AP2B1: variants seen among roughly 807,000 people sequenced by gnomAD.
AP2B1 encodes AP-2 complex subunit beta.
AP2B1 carries 23 observed loss-of-function variants against 102.0 expected under a neutral mutation model. That is an observed-to-expected ratio of 0.23 (90% CI 0.16 to 0.32). AP2B1 has a LOEUF of 0.32. Ranked by LOEUF, AP2B1 falls within the 10% of genes least tolerant of loss-of-function variation. The pLI, the probability that AP2B1 is intolerant of heterozygous loss-of-function variation, is 1.00. For missense variants in AP2B1, 541 were observed against 1,157.4 expected (o/e 0.47, Z 7.73); for synonymous variants, 381 against 421.2 (o/e 0.90, Z 1.17).
chr17:35,709,117 G>A, intron 18 of AP2B1, 107 bp from the exon 19 acceptor site: 1 of 935,028 alleles, frequency 1.1e-6, no homozygotes, highest in Non-Finnish European at 1.7e-6. Context: ...TGCACTGAGA[G>A]AAAGAGGAAG....
chr17:35,601,907 A>G (rs944737760), intron 3 of AP2B1, among the ~76,000 whole-genome samples: 2 of 149,088 alleles, frequency 1.3e-5, no homozygotes, highest in Admixed American at 6.7e-5. Context: ...TCTCCCGAGT[A>G]GCTGGGATTA....
At chr17:35,646,365 G>A (rs548656708) in intron 12 of AP2B1, among the ~76,000 whole-genome samples, 2 of 148,960 alleles carry the variant, frequency 1.3e-5, no homozygotes, top group Admixed American at 6.8e-5. Flanking sequence ...GGCCTAACAG[G>A]TCATCCCTCA....
At chr17:35,649,489 C>T (rs2075031321) in intron 12 of AP2B1, among the ~76,000 whole-genome samples, 1 of 152,148 alleles carries the variant, frequency 6.6e-6, no homozygotes, top group Admixed American at 6.5e-5. Flanking sequence ...AGGATGGTCC[C>T]AATCTCCTGG....
intron 14 of AP2B1, among the ~76,000 whole-genome samples, chr17:35,670,334 G>A (rs1464174339): frequency 6.6e-6 from 1 of 152,096 alleles, no homozygotes; most frequent in African/African-American, 2.4e-5. Context: ...GCTTGAAGTT[G>A]CAGCTCAATA....
chr17:35,658,973 A>G (rs372079882), intron 14 of AP2B1, among the ~76,000 whole-genome samples: 44 of 152,230 alleles, frequency 2.9e-4, no homozygotes, highest in African/African-American at 1.1e-3. Flanking sequence ...TGTGGACTCC[A>G]GCTTATATTG....
chr17:35,622,203 G>C (rs16971227), intron 5 of AP2B1, among the ~76,000 whole-genome samples: 1 of 151,950 alleles, frequency 6.6e-6, no homozygotes, highest in East Asian at 1.9e-4. Context: ...AAGTTTTCCT[G>C]ATTTGTCTTA....
intron 5 of AP2B1, chr17:35,621,488 T>C: frequency 3.6e-6 from 1 of 279,492 alleles, no homozygotes; most frequent in Non-Finnish European, 5.4e-6. Flanking sequence ...AGTTTTGGTA[T>C]AGAGGGGTAG....
chr17:35,677,478 T>C (rs2075726515), intron 17 of AP2B1, among the ~76,000 whole-genome samples: 1 of 152,172 alleles, frequency 6.6e-6, no homozygotes. Context: ...TTTTTAAATA[T>C]GTTGTAAATT....
chr17:35,665,930 C>T (rs573146030), intron 14 of AP2B1, among the ~76,000 whole-genome samples: 52 of 152,120 alleles, frequency 3.4e-4, no homozygotes, highest in Non-Finnish European at 5.1e-4. Flanking sequence ...TTTTCCAGTC[C>T]GCTCAGTGGT....
chr17:35,654,553 C>T (rs2075170434), intron 13 of AP2B1, among the ~76,000 whole-genome samples: 1 of 152,124 alleles, frequency 6.6e-6, no homozygotes, highest in African/African-American at 2.4e-5. Context: ...TCCCAGACCT[C>T]GTATCTCTTC....
intron 12 of AP2B1, among the ~76,000 whole-genome samples, chr17:35,645,572 G>A (rs540919666): frequency 2.0e-5 from 3 of 152,210 alleles, no homozygotes; most frequent in South Asian, 4.2e-4. Flanking sequence ...AACAAAGGCC[G>A]GGCATGGTGG....
At chr17:35,606,966 C>G (rs573161570) in intron 4 of AP2B1, among the ~76,000 whole-genome samples, 6 of 150,578 alleles carry the variant, frequency 4.0e-5, no homozygotes, top group Non-Finnish European at 5.9e-5. Flanking sequence ...AGTGCAATGG[C>G]GCAATCTCAG....
chr17:35,694,830 C>T (rs1178046887), intron 18 of AP2B1, among the ~76,000 whole-genome samples: 1 of 152,160 alleles, frequency 6.6e-6, no homozygotes, highest in Admixed American at 6.5e-5. Flanking sequence ...TTGCAGTGAG[C>T]CGAGATTGTG....
At chr17:35,694,427 A>ATTTTTTTTTTTTTTTTTTTTT (rs1555581002) in intron 18 of AP2B1, among the ~76,000 whole-genome samples, 1 of 114,534 alleles carries the variant, frequency 8.7e-6, no homozygotes, top group Non-Finnish European at 1.8e-5. Flanking sequence ...TTTTTTTTTA[A>ATTTTTTTTTTTTTTTTTTTTT]TTTTTTAATT....
At chr17:35,649,864 T>C (rs2075041753) in intron 12 of AP2B1, among the ~76,000 whole-genome samples, 1 of 152,058 alleles carries the variant, frequency 6.6e-6, no homozygotes, top group Non-Finnish European at 1.5e-5. Flanking sequence ...TGGGCTCAAG[T>C]GATCCTCCTC....
chr17:35,617,984 C>T (rs2074071376), intron 5 of AP2B1, among the ~76,000 whole-genome samples: 1 of 150,656 alleles, frequency 6.6e-6, no homozygotes, highest in East Asian at 1.9e-4. Context: ...TTTTGTAAAC[C>T]TTGTTACTAT....
intron 12 of AP2B1, among the ~76,000 whole-genome samples, chr17:35,646,604 G>A (rs191906014): frequency 2.4e-3 from 127 of 53,102 alleles, no homozygotes; most frequent in Non-Finnish European, 2.9e-3. Flanking sequence ...TTTTTTTTTT[G>A]AGATGGAGTC....
chr17:35,720,033 G>A (rs959085721), intron 21 of AP2B1, among the ~76,000 whole-genome samples: 1 of 152,146 alleles, frequency 6.6e-6, no homozygotes, highest in Non-Finnish European at 1.5e-5. Context: ...GTACTTGAAA[G>A]ATGTCACTTT....
intron 17 of AP2B1, among the ~76,000 whole-genome samples, chr17:35,677,171 G>T (rs913193800): frequency 2.0e-5 from 3 of 152,066 alleles, no homozygotes; most frequent in Non-Finnish European, 4.4e-5. Flanking sequence ...TTTATTTGTT[G>T]TAGAGATGGG....
Sources: allele counts gnomAD v4.1 joint callset (sites outside exome capture counted in the v4.1 genomes callset), GRCh38; gene constraint gnomAD v4.1.1; transcripts MANE v1.5; gene names NCBI Gene and HGNC (gene_info 2026-07-23, HGNC 2026-07-21).